GATAD2B: variants seen among roughly 807,000 people sequenced by gnomAD.
GATAD2B encodes the protein GATA zinc finger domain containing 2B.
GATAD2B carries 8 observed loss-of-function variants against 64.3 expected under a neutral mutation model. That is an observed-to-expected ratio of 0.12 (90% CI 0.07 to 0.22). The LOEUF is 0.22. GATAD2B is among the 10% of genes least tolerant of loss of function. GATAD2B has a pLI of 1.00. For synonymous variants in GATAD2B, 281 were observed against 271.3 expected (o/e 1.04, Z -0.35); for missense variants, 453 against 752.0 (o/e 0.60, Z 4.65).
In GATAD2B at chr1:153,809,999, G is replaced by A; in HGVS notation, c.*178C>T. 1 of 589,590 alleles carries A rather than the reference G, an allele frequency of 1.7e-6. No individual in the cohort carries two copies. The highest frequency in any genetic ancestry group is 2.2e-5 in the South Asian group (1 of 45,002). 36.5% of individuals were successfully genotyped at this position (589,590 alleles called of 1,614,324 possible). On this transcript the variant is annotated 3_prime_UTR_variant, in exon 11 of 11. Coordinates refer to ENST00000368655, the MANE Select transcript of GATAD2B (RefSeq NM_020699.4). ...CGCAGCAGTGTGAAATAAAGGGGAG[G>A]TGGCAGGGCAGGGCGTGTGTTTTCT...
intron 1 of GATAD2B, among the ~76,000 whole-genome samples, chr1:153,862,507 G>A (rs986256714): frequency 2.6e-5 from 4 of 151,964 alleles, no homozygotes; most frequent in Non-Finnish European, 4.4e-5. Context: ...TTTTATAGAC[G>A]AAAAAATCAG....
At chr1:153,873,829 G>T (rs775549837) in intron 1 of GATAD2B, among the ~76,000 whole-genome samples, 33 of 152,222 alleles carry the variant, frequency 2.2e-4, no homozygotes, top group Non-Finnish European at 4.6e-4. Flanking sequence ...CATGCCTGTA[G>T]TCCTAGCTAC....
chr1:153,891,328 G>A (rs1677391990), intron 1 of GATAD2B, among the ~76,000 whole-genome samples: 1 of 151,790 alleles, frequency 6.6e-6, no homozygotes, highest in South Asian at 2.1e-4. Context: ...AGCATTTTGG[G>A]AGGCCAAGGT....
intron 1 of GATAD2B, among the ~76,000 whole-genome samples, chr1:153,861,834 GTA>G (rs1188433363): frequency 1.5e-5 from 2 of 137,812 alleles, no homozygotes; most frequent in Non-Finnish European, 3.1e-5. Flanking sequence ...ATATGTATAT[GTA>G]TATATGTATG....
At chr1:153,863,133 T>G (rs186654893) in intron 1 of GATAD2B, among the ~76,000 whole-genome samples, 65 of 152,254 alleles carry the variant, frequency 4.3e-4, no homozygotes, top group African/African-American at 1.4e-3. Flanking sequence ...TACTACTCTC[T>G]CCTGGTTATT....
intron 10 of GATAD2B, chr1:153,811,469 C>A: frequency 2.0e-6 from 1 of 506,528 alleles, no homozygotes; most frequent in East Asian, 3.7e-5. Context: ...GATCAATAAC[C>A]ACATGTCTAC....
chr1:153,863,676 T>C (rs1676386843), intron 1 of GATAD2B, among the ~76,000 whole-genome samples: 2 of 151,786 alleles, frequency 1.3e-5, no homozygotes, highest in South Asian at 2.1e-4. Flanking sequence ...CAGGCTGGAG[T>C]GCAGCTGTGC....
At chr1:153,852,816 T>G (rs1367085647) in intron 1 of GATAD2B, 2 of 887,786 alleles carry the variant, frequency 2.3e-6, no homozygotes, top group East Asian at 2.4e-5. Flanking sequence ...CTTCAACTTT[T>G]TTTGCTTCTT....
chr1:153,835,982 C>T (rs1675247994), intron 1 of GATAD2B, among the ~76,000 whole-genome samples: 2 of 152,132 alleles, frequency 1.3e-5, no homozygotes, highest in African/African-American at 4.8e-5. Context: ...CTCAGCCTTC[C>T]AGAGTGCTTG....
chr1:153,917,792 A>C (rs2101973583), intron 1 of GATAD2B, among the ~76,000 whole-genome samples: 1 of 152,374 alleles, frequency 6.6e-6, no homozygotes, highest in South Asian at 2.1e-4. Flanking sequence ...CATCATAGAA[A>C]GAGAACCAAT....
chr1:153,875,849 A>G (rs1197018812), intron 1 of GATAD2B, among the ~76,000 whole-genome samples: 1 of 152,162 alleles, frequency 6.6e-6, no homozygotes, highest in Non-Finnish European at 1.5e-5. Flanking sequence ...TTCACAATGC[A>G]TTATCTCATT....
chr1:153,816,257 G>T lies in GATAD2B; in HGVS notation c.1216+16C>A, dbSNP rs1355602813. 6.3e-7 allele frequency: 1 copy of T among 1,575,530 alleles called. No individual in the cohort carries two copies. Among genetic ancestry groups the T allele is most frequent in the Admixed American group, 1.7e-5 (1 of 59,698 alleles). ...ACCACTTGCTTAAATAGATTGATTA[G>T]AAGAAACAGCCTTACCTTGGCTGTC... is the stretch of plus-strand genomic sequence containing the variant. On this transcript the variant is annotated intron_variant, in intron 7 of 10. Coordinates refer to ENST00000368655, the MANE Select transcript of GATAD2B (RefSeq NM_020699.4). This position sits in a 1 kb window ranked among gnomAD's most constrained non-coding sequence, Gnocchi z 4.9.
At chr1:153,824,325 T>C (rs549654465) in intron 2 of GATAD2B, among the ~76,000 whole-genome samples, 37 of 152,216 alleles carry the variant, frequency 2.4e-4, no homozygotes, top group Middle Eastern at 3.4e-3. Flanking sequence ...CAAAATAACA[T>C]TTTTAAAAAA....
rs1361737374 is a variant in GATAD2B, at chr1:153,818,887, C to T, written c.501G>A (p.Lys167=). 1.2e-6 allele frequency: 2 copies of T among 1,612,728 alleles called. No homozygotes were observed. The highest frequency in any genetic ancestry group is 1.7e-5 in the Admixed American group (1 of 60,018). Residue 167 remains lysine, a synonymous_variant, in exon 4 of 11, where the codon AAG becomes AAA. Coordinates refer to ENST00000368655, the MANE Select transcript of GATAD2B (RefSeq NM_020699.4). The part of the protein sequence containing the change: ...KGIEERQQLI[K]QLRDELRLEE... ...CCAATCGTAGCTCATCCCTCAGCTGCTTGATAAGCTGCTGCCGCTCCTCAA... is the reference window on the plus strand; with the variant it reads ...CCAATCGTAGCTCATCCCTCAGCTGTTTGATAAGCTGCTGCCGCTCCTCAA...
Position 153,915,040 on chromosome 1 carries a change from T to C in GATAD2B, c.-2+7693A>G, listed in dbSNP as rs541417269. Among the ~76,000 whole-genome samples the C allele has an allele frequency of 4.6e-5, 7 of 152,048 alleles. No individual in the cohort carries two copies. In the South Asian group the frequency reaches 1.2e-3, roughly 27 times the overall value. On this transcript the variant is annotated intron_variant, in intron 1 of 10. Coordinates refer to ENST00000368655, the MANE Select transcript of GATAD2B (RefSeq NM_020699.4). The stretch of plus-strand genomic sequence containing the variant: ...GAGTCTGAGACCAGCCTGGCCAACA[T>C]GGCAAAACTCTGACTCTGCTAAAAA...
intron 1 of GATAD2B, among the ~76,000 whole-genome samples, chr1:153,867,072 C>A (rs1432226813): frequency 1.3e-5 from 2 of 152,094 alleles, no homozygotes; most frequent in African/African-American, 4.8e-5. Context: ...GCCACCGCCA[C>A]CTGGCCTCCA....
At chr1:153,833,826 A>G (rs1014159131) in intron 1 of GATAD2B, among the ~76,000 whole-genome samples, 12 of 145,464 alleles carry the variant, frequency 8.2e-5, no homozygotes, top group East Asian at 3.9e-4. Context: ...AAAAAAAAAA[A>G]AAAAAGAAAA....
In GATAD2B at chr1:153,811,618, C is replaced by T. The variant is rs112979659; in HGVS notation, c.1648+113G>A. On this transcript the variant is annotated intron_variant, in intron 10 of 10. Coordinates refer to ENST00000368655, the MANE Select transcript of GATAD2B (RefSeq NM_020699.4). ...GTAACAGAAGAGTGAGAGTGTATGC[C>T]CTAAAGAAAGAACAGAAAGTAAAGG... 3.8e-3 allele frequency: 2,883 copies of T among 756,678 alleles called. 77 individuals carry two copies. The African/African-American group carries it at 0.044, about 12-fold the overall frequency. The allele number at this position is 756,678 out of a possible 1,614,324, so 46.9% of individuals were successfully genotyped here. A position where few individuals can be genotyped will look rare whatever the true frequency, so the allele number is the denominator to read the frequency against.
At chr1:153,814,695 G>A (rs1043880040) in intron 7 of GATAD2B, among the ~76,000 whole-genome samples, 9 of 152,094 alleles carry the variant, frequency 5.9e-5, no homozygotes, top group African/African-American at 2.2e-4. Context: ...AATTGCTTGC[G>A]CCGGGCACAG....
Sources: gnomAD v4.1 joint callset for allele counts (sites outside exome capture counted in the v4.1 genomes callset) on GRCh38, gnomAD v4.1.1 for gene constraint, Gnocchi (gnomAD v3.1) non-coding constraint, MANE v1.5 for transcripts, NCBI Gene and HGNC (gene_info 2026-07-23, HGNC 2026-07-21) for gene names.